Variants in CHD9 observed in about 807,000 individuals in gnomAD.
CHD9 encodes chromodomain helicase DNA binding protein 9.
In CHD9, 77 loss-of-function variants were observed where a neutral mutation model predicts 316.1. The observed-to-expected ratio is 0.24, with a 90% CI of 0.20 to 0.29. The LOEUF (loss-of-function observed/expected upper bound fraction) is 0.29, where lower values mean the gene tolerates loss of function less well. Among genes scored for constraint, CHD9 ranks in the 10% least tolerant of loss-of-function variants. The pLI, the probability that CHD9 is intolerant of heterozygous loss-of-function variation, is 1.00. For synonymous variants in CHD9, 1,129 were observed against 1,158.3 expected (o/e 0.97, Z 0.51); for missense variants, 2,763 against 3,438.1 (o/e 0.80, Z 4.91).
chr16:53,086,881 A>G (rs1323098053), intron 1 of CHD9, among the ~76,000 whole-genome samples: 2 of 152,144 alleles, frequency 1.3e-5, no homozygotes, highest in Non-Finnish European at 2.9e-5. Flanking sequence ...ATAGTATCTT[A>G]CTATCAAATG....
At chr16:53,234,792 A>C (rs935367430) in intron 10 of CHD9, among the ~76,000 whole-genome samples, 1 of 147,424 alleles carries the variant, frequency 6.8e-6, no homozygotes, top group Non-Finnish European at 1.5e-5. Flanking sequence ...CTCTACTTTA[A>C]ACCCACCTTC....
intron 24 of CHD9, among the ~76,000 whole-genome samples, chr16:53,278,020 A>G (rs2053024906): frequency 6.6e-6 from 1 of 152,096 alleles, no homozygotes; most frequent in Admixed American, 6.6e-5. Flanking sequence ...GCCAGAAAAA[A>G]AAAAAAGGTA....
chr16:53,100,191 A>G (rs1305021302), intron 1 of CHD9, among the ~76,000 whole-genome samples: 2 of 152,208 alleles, frequency 1.3e-5, no homozygotes, highest in Non-Finnish European at 2.9e-5. Context: ...GAGCCGAAGA[A>G]AACTTCTCCT....
chr16:53,273,096 A>C (rs547724232), intron 22 of CHD9, among the ~76,000 whole-genome samples: 36 of 83,022 alleles, frequency 4.3e-4, no homozygotes, highest in Middle Eastern at 6.5e-3. Flanking sequence ...CAAAAAAAAC[A>C]AAACAAAACA....
At chr16:53,114,086 T>TAA (rs201295051) in intron 1 of CHD9, among the ~76,000 whole-genome samples, 1 of 142,584 alleles carries the variant, frequency 7.0e-6, no homozygotes. Flanking sequence ...GTTTTTTCTT[T>TAA]AAAAAAAAAA....
Position 53,325,080 on chromosome 16 carries a change from TG to T in CHD9, c.*186del. 1.9e-6 allele frequency: 1 copy of T among 530,378 alleles called. No individual in the cohort carries two copies. Among genetic ancestry groups the T allele is most frequent in the Non-Finnish European group, 3.3e-6 (1 of 301,308 alleles). 32.9% of individuals were successfully genotyped at this position (530,378 alleles called of 1,614,324 possible). On this transcript the variant is annotated 3_prime_UTR_variant, in exon 39 of 39. Transcript: ENST00000447540. ...ATATTTCTTAAGATTCATAAGTTTC[TG>T]AACTCGTATGTACTATCAAATACAT...
rs375363694 is a variant in CHD9, at chr16:53,201,617, A to T, written c.1453-7865A>T. ...TGTTATTCCAGAATATAAATTTTTA[A>T]ATTTCTTTATTATATAGCATTTCAA... is the stretch of plus-strand genomic sequence containing the variant. On this transcript the variant is annotated intron_variant, in intron 2 of 38. Transcript: ENST00000447540. 6.6e-4 allele frequency among the ~76,000 whole-genome samples: 101 copies of T among 152,116 alleles called. 1 individual carries two copies. The South Asian group carries it at 0.02, about 30-fold the overall frequency.
chr16:53,320,752 C>T (rs1055767809), intron 37 of CHD9, among the ~76,000 whole-genome samples: 44 of 152,168 alleles, frequency 2.9e-4, no homozygotes, highest in African/African-American at 1.0e-3. Flanking sequence ...CATATTATTA[C>T]ATTTTTTTCC....
At chr16:53,134,788 A>G (rs921448282) in intron 1 of CHD9, among the ~76,000 whole-genome samples, 2 of 152,206 alleles carry the variant, frequency 1.3e-5, no homozygotes, top group African/African-American at 4.8e-5. Context: ...CTGGACTCAA[A>G]GTCATTCACA....
intron 1 of CHD9, among the ~76,000 whole-genome samples, chr16:53,130,414 G>C (rs1000354813): frequency 6.6e-6 from 1 of 151,234 alleles, no homozygotes; most frequent in African/African-American, 2.4e-5. Context: ...CCTCTGCGCC[G>C]ACCCCGCCAC....
chr16:53,142,229 A>G (rs2040178245), intron 1 of CHD9, among the ~76,000 whole-genome samples: 1 of 152,128 alleles, frequency 6.6e-6, no homozygotes, highest in Non-Finnish European at 1.5e-5. Context: ...GGAAATAGAT[A>G]ATTTTTGAGT....
intron 2 of CHD9, among the ~76,000 whole-genome samples, chr16:53,191,262 A>G (rs549641639): frequency 7.9e-5 from 12 of 152,050 alleles, no homozygotes; most frequent in East Asian, 1.9e-4. Flanking sequence ...ATGTCTTCTC[A>G]TGTATCAGTT....
At chr16:53,066,612 T>C (rs1447576975) in intron 1 of CHD9, among the ~76,000 whole-genome samples, 1 of 152,140 alleles carries the variant, frequency 6.6e-6, no homozygotes, top group African/African-American at 2.4e-5. Flanking sequence ...GCTGCTAGTC[T>C]AATGAGAGAG....
At chr16:53,319,891 C>A in intron 37 of CHD9, 2 of 1,085,654 alleles carry the variant, frequency 1.8e-6, no homozygotes, top group Admixed American at 3.1e-5. Flanking sequence ...CCTCCATTTT[C>A]AATAGAAGCT....
chr16:53,102,881 T>C (rs189982799), intron 1 of CHD9, among the ~76,000 whole-genome samples: 582 of 152,196 alleles, frequency 3.8e-3, no homozygotes, highest in Non-Finnish European at 5.0e-3. Context: ...AGTCTTGCTC[T>C]GTCACTCAGG....
At position 53,295,855 on chromosome 16, in the gene CHD9, T is replaced by C. The variant is rs187648477; in HGVS notation, c.5511-1101T>C. Among the ~76,000 whole-genome samples the C allele has an allele frequency of 2.3e-3, 346 of 152,316 alleles. 2 individuals are homozygous for C. The highest frequency in any genetic ancestry group is 8.0e-3 in the African/African-American group (333 of 41,564). On this transcript the variant is annotated intron_variant, in intron 29 of 38. Coordinates refer to ENST00000447540, the MANE Select transcript of CHD9 (RefSeq NM_001308319.2). ...CAGGGTTCTACACCTGCACTAAGGT[T>C]TGCAGATCTATGGTGCATGATGATT...
intron 1 of CHD9, among the ~76,000 whole-genome samples, chr16:53,107,818 G>A (rs578006971): frequency 6.6e-6 from 1 of 152,328 alleles, no homozygotes; most frequent in South Asian, 2.1e-4. Flanking sequence ...TGAGGACGTA[G>A]CAATGAACAA....
chr16:53,314,399 T>C lies in CHD9; in HGVS notation c.7245T>C (p.Leu2415=), dbSNP rs976189446. 2.5e-6 allele frequency: 4 copies of C among 1,580,350 alleles called. No individual in the cohort carries two copies. The African/African-American group carries it at 5.4e-5, about 21-fold the overall frequency. ...TAGGTACTTCCATTCAACCAACCCT[T>C]GGTGCCAATGGTGTGATATTAGACA... ...PVSGTSIQPT[L]GANGVILDNQ... is the part of the protein sequence containing the mutation. The change falls in exon 35 of 39, where the codon CTT becomes CTC. Residue 2415 remains leucine (L), a synonymous_variant. Transcript: ENST00000447540.
chr16:53,261,800 T>C (rs2051160440), intron 19 of CHD9, among the ~76,000 whole-genome samples: 1 of 152,210 alleles, frequency 6.6e-6, no homozygotes, highest in South Asian at 2.1e-4. Context: ...ATCCCAGATA[T>C]AATCACCACC....
Sources: gnomAD v4.1 joint callset for allele counts (sites outside exome capture counted in the v4.1 genomes callset) on GRCh38, gnomAD v4.1.1 for gene constraint, MANE v1.5 for transcripts, NCBI Gene and HGNC (gene_info 2026-07-23, HGNC 2026-07-21) for gene names.